DSCAML1: variants seen among roughly 807,000 people sequenced by gnomAD.
DSCAML1 encodes DS cell adhesion molecule like 1.
A neutral mutation model predicts 200.5 loss-of-function variants in DSCAML1; 38 were observed. The observed-to-expected ratio is 0.19, with a 90% CI of 0.15 to 0.25. The LOEUF is 0.25. Ranked by LOEUF, DSCAML1 falls within the 10% of genes least tolerant of loss-of-function variation. The pLI is 1.00. For missense variants in DSCAML1, 2,223 were observed against 2,858.8 expected, an observed-to-expected ratio of 0.78 and a Z score of 5.07; for synonymous variants, 1,215 against 1,165.0, an observed-to-expected ratio of 1.04 and a Z score of -0.87.
At chr11:117,445,333 G>T (rs550746048) in intron 20 of DSCAML1, among the ~76,000 whole-genome samples, 7 of 100,078 alleles carry the variant, frequency 7.0e-5, no homozygotes, top group African/African-American at 1.6e-4. Context: ...CAGGAGGTCC[G>T]GGGGGGCAGG....
chr11:117,459,918 G>A (rs148930075), intron 18 of DSCAML1, among the ~76,000 whole-genome samples: 5 of 152,372 alleles, frequency 3.3e-5, no homozygotes, highest in Non-Finnish European at 7.3e-5. Context: ...TGTGCCCAGC[G>A]TGAGAAGACT....
At chr11:117,657,830 T>G (rs1248646529) in intron 3 of DSCAML1, among the ~76,000 whole-genome samples, 1 of 152,184 alleles carries the variant, frequency 6.6e-6, no homozygotes, top group East Asian at 1.9e-4. Flanking sequence ...GTGAATAGTC[T>G]GCTATGCTCT....
Position 117,488,558 on chromosome 11 carries a change from A to C in DSCAML1, c.2360-6396T>G, listed in dbSNP as rs560787833. Among the ~76,000 whole-genome samples, 315 of 148,560 alleles carry C rather than the reference A, an allele frequency of 2.1e-3. 2 individuals are homozygous for C. The highest frequency in any genetic ancestry group is 2.5e-3 in the Non-Finnish European group (171 of 67,216). ...AGACACAGACACACACACACACACC[A>C]CACACAGAGGGGCAGTGTCAGAAAC... On this transcript the variant is annotated intron_variant, in intron 11 of 32. Coordinates refer to ENST00000651296, the MANE Select transcript of DSCAML1 (RefSeq NM_020693.4).
At chr11:117,704,452 A>T (rs937104146) in intron 3 of DSCAML1, among the ~76,000 whole-genome samples, 7 of 148,692 alleles carry the variant, frequency 4.7e-5, no homozygotes, top group African/African-American at 1.5e-4. Flanking sequence ...CACACAAATT[A>T]AAAAAAATTA....
At chr11:117,492,760 C>A (rs778716858) in intron 11 of DSCAML1, among the ~76,000 whole-genome samples, 2 of 152,170 alleles carry the variant, frequency 1.3e-5, no homozygotes, top group Non-Finnish European at 2.9e-5. Flanking sequence ...CAGCCTTCGA[C>A]GGCAGCGGCA....
rs1491184595 is a variant in DSCAML1 at position 117,672,101 on chromosome 11, A to AG, written c.511+104689dup. On this transcript the variant is annotated intron_variant, in intron 3 of 32. Transcript: ENST00000651296. Reference sequence around the variant, plus strand: ...GGGCGACAGAGCGAGACTCCAGCTCAGAAAAAAAAAAAAAAAAAAAAAGAA... The same window carrying AG: ...GGGCGACAGAGCGAGACTCCAGCTCAGGAAAAAAAAAAAAAAAAAAAAAGAA... Among the ~76,000 whole-genome samples, 10 of 44,746 alleles carry AG rather than the reference A, an allele frequency of 2.2e-4. 1 individual carries two copies. The highest frequency in any genetic ancestry group is 4.4e-4 in the Non-Finnish European group (7 of 16,008). 29.4% of individuals were successfully genotyped at this position (44,746 alleles called of 152,430 possible). A position where few individuals can be genotyped will look rare whatever the true frequency, so the allele number is the denominator to read the frequency against.
At chr11:117,734,874 CAA>C (rs1347474231) in intron 3 of DSCAML1, among the ~76,000 whole-genome samples, 2 of 152,132 alleles carry the variant, frequency 1.3e-5, no homozygotes, top group Non-Finnish European at 2.9e-5. Flanking sequence ...TGCATCACAG[CAA>C]AAGAGTGGGC....
chr11:117,785,851 T>TTAAGGGTGAGGAAAAGGA (rs1278219772), intron 1 of DSCAML1, among the ~76,000 whole-genome samples: 8 of 152,128 alleles, frequency 5.3e-5, no homozygotes, highest in Non-Finnish European at 7.3e-5. Context: ...TAGTCTCATT[T>TTAAGGGTGAGGAAAAGGA]TAAGGGTGAG....
chr11:117,499,573 T>C (rs906546780), intron 11 of DSCAML1, among the ~76,000 whole-genome samples: 2 of 152,238 alleles, frequency 1.3e-5, no homozygotes, highest in African/African-American at 4.8e-5. Flanking sequence ...GCTGGGACTA[T>C]ACTTAAACCA....
chr11:117,437,886 G>T lies in DSCAML1; in HGVS notation c.4432+9C>A. ...CGCTCCTTCCCTGCCCCAGTGGCCT[G>T]GGCCTCACCCCGCCCGTGGGTCTTG... On this transcript the variant is annotated intron_variant, in intron 25 of 32. Transcript: ENST00000651296. The surrounding 1 kb of genome is among the most constrained non-coding windows in gnomAD (Gnocchi z 5.3). 6.3e-7 allele frequency: 1 copy of T among 1,599,504 alleles called. No homozygotes were observed.
In DSCAML1 at chr11:117,587,255, C is replaced by CCT. The variant is rs538921136; in HGVS notation, c.512-54734_512-54733insAG. Among the ~76,000 whole-genome samples the CCT allele has an allele frequency of 5.7e-5, 8 of 140,608 alleles. 1 individual carries two copies. The highest frequency in any genetic ancestry group is 1.1e-4 in the African/African-American group (4 of 35,184). The allele number at this position is 140,608 out of a possible 152,430, so 92.2% of individuals were successfully genotyped here. ...ATGAGCTCATTCGATTCTTTCCAAC[C>CCT]CCCCCCCACGATTTAGATACTATTA... is the stretch of plus-strand genomic sequence containing the variant. On this transcript the variant is annotated intron_variant, in intron 3 of 32. Coordinates refer to ENST00000651296, the MANE Select transcript of DSCAML1 (RefSeq NM_020693.4).
chr11:117,697,396 G>A (rs2053601573), intron 3 of DSCAML1, among the ~76,000 whole-genome samples: 1 of 151,796 alleles, frequency 6.6e-6, no homozygotes, highest in South Asian at 2.1e-4. Flanking sequence ...CTTCTCTTAT[G>A]GTAGTCCTTG....
intron 3 of DSCAML1, among the ~76,000 whole-genome samples, chr11:117,730,576 G>C (rs566306624): frequency 3.7e-4 from 56 of 152,350 alleles, no homozygotes; most frequent in African/African-American, 1.2e-3. Context: ...GAGAGGATGT[G>C]ACGAAACTGG....
At position 117,437,790 on chromosome 11, in the gene DSCAML1, C is replaced by G; in HGVS notation, c.4432+105G>C. ...CCTTCAGTCTCCCTGCATCCCTGGA[C>G]CCCTCCTTCCCCACCCCAGCCACCT... is the stretch of plus-strand genomic sequence containing the variant. On this transcript the variant is annotated intron_variant, in intron 25 of 32. Transcript: ENST00000651296. This position sits in a 1 kb window ranked among gnomAD's most constrained non-coding sequence, Gnocchi z 5.3. 8.0e-7 allele frequency: 1 copy of G among 1,247,280 alleles called. No homozygotes were observed. Among genetic ancestry groups the G allele is most frequent in the Non-Finnish European group, 1.1e-6 (1 of 924,806 alleles). The allele number at this position is 1,247,280 out of a possible 1,614,324, so 77.3% of individuals were successfully genotyped here.
At chr11:117,638,167 G>C (rs1054980082) in intron 3 of DSCAML1, among the ~76,000 whole-genome samples, 2 of 152,154 alleles carry the variant, frequency 1.3e-5, no homozygotes, top group African/African-American at 4.8e-5. Context: ...ATTATGAAGA[G>C]GCAGATTTGG....
At chr11:117,577,027 C>A (rs1023649307) in intron 3 of DSCAML1, among the ~76,000 whole-genome samples, 2 of 152,052 alleles carry the variant, frequency 1.3e-5, no homozygotes, top group Non-Finnish European at 2.9e-5. Context: ...CAAATCATAC[C>A]CACCCCAATG....
chr11:117,767,699 G>A lies in DSCAML1; in HGVS notation c.511+9092C>T, dbSNP rs571363161. On this transcript the variant is annotated intron_variant, in intron 3 of 32. Coordinates refer to ENST00000651296, the MANE Select transcript of DSCAML1 (RefSeq NM_020693.4). Reference sequence around the variant, plus strand: ...AATTGCTGGGAGTTCCTAGGACAGCGCTCTGCCTGGAGTCACTGTTACAAG... The same window carrying A: ...AATTGCTGGGAGTTCCTAGGACAGCACTCTGCCTGGAGTCACTGTTACAAG... Among the ~76,000 whole-genome samples the A allele has an allele frequency of 2.6e-5, 4 of 152,272 alleles. No homozygotes were observed. The South Asian group carries it at 6.2e-4, about 24-fold the overall frequency.
intron 17 of DSCAML1, among the ~76,000 whole-genome samples, chr11:117,462,294 TCA>T (rs1442933025): frequency 1.3e-5 from 2 of 151,806 alleles, no homozygotes; most frequent in African/African-American, 4.9e-5. Flanking sequence ...CTCCCGCCAG[TCA>T]CACTCTCCCT....
intron 14 of DSCAML1, among the ~76,000 whole-genome samples, chr11:117,475,704 G>A (rs950454692): frequency 3.3e-5 from 5 of 152,206 alleles, no homozygotes; most frequent in Non-Finnish European, 7.3e-5. Flanking sequence ...TGTGGCCACA[G>A]TGTACTCTTT....
Sources: gnomAD v4.1 joint callset for allele counts (sites outside exome capture counted in the v4.1 genomes callset) on GRCh38, gnomAD v4.1.1 for gene constraint, Gnocchi (gnomAD v3.1) non-coding constraint, MANE v1.5 for transcripts, NCBI Gene and HGNC (gene_info 2026-07-23, HGNC 2026-07-21) for gene names.